Variants in RTN4 observed in about 807,000 individuals in gnomAD.
The protein encoded by RTN4 is reticulon 4.
In RTN4, 32 loss-of-function variants were observed where a neutral mutation model predicts 90.4. The observed-to-expected ratio is 0.35, with a 90% CI of 0.27 to 0.48. The LOEUF is 0.48. Ranked by LOEUF, RTN4 falls within the 20% of genes least tolerant of loss-of-function variation. The pLI, the probability that RTN4 is intolerant of heterozygous loss-of-function variation, is 0.99. For synonymous variants in RTN4, 629 were observed against 552.5 expected (o/e 1.14, Z -1.94); for missense variants, 1,706 against 1,430.2 (o/e 1.19, Z -3.11).
At chr2:55,002,237 T>G (rs538416507) in intron 3 of RTN4, among the ~76,000 whole-genome samples, 64 of 151,868 alleles carry the variant, frequency 4.2e-4, no homozygotes, top group African/African-American at 1.4e-3. Flanking sequence ...TTTTTAAAAT[T>G]TTGTAGAGGC....
intron 2 of RTN4, among the ~76,000 whole-genome samples, chr2:55,027,810 G>C (rs955453431): frequency 1.3e-5 from 2 of 152,030 alleles, no homozygotes; most frequent in Non-Finnish European, 2.9e-5. Context: ...AAAGAGTTTC[G>C]GTGACAGCAT....
chr2:55,066,826 G>A (rs1464095181), intron 2 of RTN4, among the ~76,000 whole-genome samples: 3 of 152,238 alleles, frequency 2.0e-5, no homozygotes, highest in East Asian at 3.9e-4. Flanking sequence ...AGTCAAAAAT[G>A]TGAGAATATT....
intron 2 of RTN4, among the ~76,000 whole-genome samples, chr2:55,069,046 G>A (rs990947593): frequency 6.6e-6 from 1 of 152,224 alleles, no homozygotes; most frequent in South Asian, 2.1e-4. Flanking sequence ...GTGGCACAAG[G>A]GGTGGGGAGA....
intron 4 of RTN4, among the ~76,000 whole-genome samples, chr2:54,983,345 AAATAAAT>A (rs1678298328): frequency 2.6e-5 from 4 of 151,724 alleles, no homozygotes; most frequent in Non-Finnish European, 5.9e-5. Context: ...ATAAATAAAT[AAATAAAT>A]AAAAATACTA....
chr2:55,111,858 C>T (rs1403601493), intron 1 of RTN4, among the ~76,000 whole-genome samples: 3 of 152,218 alleles, frequency 2.0e-5, no homozygotes, highest in Non-Finnish European at 4.4e-5. Context: ...CGAATGCTGC[C>T]TGCCTCCTGC....
At chr2:55,061,993 G>A (rs1216099520) in intron 2 of RTN4, among the ~76,000 whole-genome samples, 2 of 152,114 alleles carry the variant, frequency 1.3e-5, no homozygotes, top group African/African-American at 2.4e-5. Context: ...ACACACAAGC[G>A]GTTGGATTTC....
chr2:55,109,882 G>A (rs915366039), intron 1 of RTN4, among the ~76,000 whole-genome samples: 1 of 152,202 alleles, frequency 6.6e-6, no homozygotes, highest in African/African-American at 2.4e-5. Context: ...TAGCCTTGTA[G>A]AGGGATATTA....
At chr2:55,078,945 G>A (rs1377294579) in intron 2 of RTN4, among the ~76,000 whole-genome samples, 2 of 152,190 alleles carry the variant, frequency 1.3e-5, no homozygotes, top group African/African-American at 4.8e-5. Context: ...ATAAGGAGAG[G>A]AAATGGGAAA....
chr2:55,105,562 C>T (rs1473810703), intron 1 of RTN4, among the ~76,000 whole-genome samples: 1 of 151,982 alleles, frequency 6.6e-6, no homozygotes, highest in African/African-American at 2.4e-5. Flanking sequence ...TACGCAAGCT[C>T]TGTATATTGT....
chr2:55,033,434 T>C (rs996691358), intron 1 of RTN4, among the ~76,000 whole-genome samples: 1 of 152,184 alleles, frequency 6.6e-6, no homozygotes, highest in African/African-American at 2.4e-5. Context: ...TGCAGCACTT[T>C]CAGGACATGC....
intron 3 of RTN4, among the ~76,000 whole-genome samples, chr2:55,010,615 A>C (rs141821822): frequency 6.6e-6 from 1 of 152,318 alleles, no homozygotes; most frequent in Non-Finnish European, 1.5e-5. Flanking sequence ...TAATAAGATA[A>C]AAATGGACTG....
intron 3 of RTN4, among the ~76,000 whole-genome samples, chr2:55,004,773 G>C (rs1680087914): frequency 6.6e-6 from 1 of 152,010 alleles, no homozygotes; most frequent in Non-Finnish European, 1.5e-5. Context: ...AAATTTGGAG[G>C]CTGGAAAAAG....
intron 3 of RTN4, among the ~76,000 whole-genome samples, chr2:55,015,138 A>G (rs145710287): frequency 1.0e-3 from 158 of 152,176 alleles, no homozygotes; most frequent in African/African-American, 3.6e-3. Context: ...TCCATCTGCA[A>G]CACTAGATGG....
At chr2:54,993,709 C>T (rs147647246) in intron 3 of RTN4, among the ~76,000 whole-genome samples, 2 of 152,270 alleles carry the variant, frequency 1.3e-5, no homozygotes, top group Admixed American at 6.5e-5. Context: ...GAAACAAGTA[C>T]TAGGAATGCT....
Position 55,027,153 on chromosome 2 carries a change from C to T in RTN4, c.946G>A (p.Val316Ile). 2 of 1,613,586 alleles carry T rather than the reference C, an allele frequency of 1.2e-6. No homozygotes were observed. The highest frequency in any genetic ancestry group is 1.7e-5 in the Admixed American group (1 of 59,874). Residue 316 changes from valine (V) to isoleucine (I), a missense_variant, in exon 3 of 9, where the codon GTA becomes ATA. Val to Ile is a conservative substitution (Grantham distance 29, BLOSUM62 3). Coordinates refer to ENST00000337526, the MANE Select transcript of RTN4 (RefSeq NM_020532.5). ...VSPKAESAVIVANPREEIIVK... is the reference protein window; with the variant it reads ...VSPKAESAVIIANPREEIIVK... ...ATTATTTCTTCCCTAGGATTTGCTA[C>T]TATTACGGCAGATTCTGCTTTTGGA...
intron 1 of RTN4, among the ~76,000 whole-genome samples, chr2:55,042,352 T>C (rs760635967): frequency 3.3e-5 from 5 of 152,126 alleles, no homozygotes; most frequent in African/African-American, 7.2e-5. Context: ...TTCACAGAAA[T>C]AGTATTTGTA....
chr2:55,072,135 G>T (rs905644252), intron 2 of RTN4, among the ~76,000 whole-genome samples: 1 of 129,034 alleles, frequency 7.7e-6, no homozygotes, highest in Non-Finnish European at 1.6e-5. Context: ...TATTGATGTG[G>T]ATTGTTTTTA....
the RTN4 span, among the ~76,000 whole-genome samples, chr2:55,128,126 A>T: frequency 6.6e-6 from 1 of 152,110 alleles, no homozygotes; most frequent in Non-Finnish European, 1.5e-5. Context: ...GATTATAGGC[A>T]TGAGCCACCG....
At chr2:55,030,453 T>C (rs563552950) in intron 1 of RTN4, among the ~76,000 whole-genome samples, 11 of 152,292 alleles carry the variant, frequency 7.2e-5, no homozygotes, top group African/African-American at 2.6e-4. Flanking sequence ...ACTTCAAGAA[T>C]ACAGTTCAGA....
Sources: allele counts gnomAD v4.1 joint callset (sites outside exome capture counted in the v4.1 genomes callset), GRCh38; gene constraint gnomAD v4.1.1; transcripts MANE v1.5; gene names NCBI Gene and HGNC (gene_info 2026-07-23, HGNC 2026-07-21).